The following GIGYF2 variants were observed in gnomAD, a reference collection of about 807,000 sequenced individuals.
GIGYF2 encodes GRB10 interacting GYF protein 2.
Under a neutral mutation model 208.1 loss-of-function variants are expected in GIGYF2, and 25 were observed. That is an observed-to-expected ratio of 0.12 (90% CI 0.09 to 0.17). The LOEUF (loss-of-function observed/expected upper bound fraction) is 0.17. Among genes scored for constraint, GIGYF2 ranks in the 10% least tolerant of loss-of-function variants. The pLI, the probability that GIGYF2 is intolerant of heterozygous loss-of-function variation, is 1.00. For synonymous variants in GIGYF2, 534 were observed against 543.8 expected (o/e 0.98, Z 0.25); for missense variants, 1,302 against 1,579.4 (o/e 0.82, Z 2.98).
intron 2 of GIGYF2, chr2:232,705,485 C>T (rs1250614111): frequency 6.6e-6 from 1 of 151,890 alleles, no homozygotes; most frequent in Non-Finnish European, 1.5e-5. Context: ...CTCGGCTCAC[C>T]ACATCCTCTG....
chr2:232,756,781 A>T (rs190235445), intron 6 of GIGYF2, among the ~76,000 whole-genome samples: 77 of 152,350 alleles, frequency 5.1e-4, no homozygotes, highest in African/African-American at 1.7e-3. Context: ...CAGGACTAGG[A>T]CATTTAGGGG....
intron 21 of GIGYF2, among the ~76,000 whole-genome samples, chr2:232,821,515 CT>C (rs1701080389): frequency 6.6e-6 from 1 of 152,088 alleles, no homozygotes; most frequent in South Asian, 2.1e-4. Flanking sequence ...TCCAATTTAT[CT>C]ATTTTTTTTC....
intron 14 of GIGYF2, among the ~76,000 whole-genome samples, 187 bp downstream of exon 14, chr2:232,796,408 A>G (rs1490450413): frequency 1.3e-5 from 2 of 152,210 alleles, no homozygotes; most frequent in African/African-American, 4.8e-5. Context: ...ATTTTGGAAT[A>G]ATTGCATTGT....
rs1439108681 is a variant in GIGYF2, at chr2:232,791,321, A to G, written c.1157A>G (p.His386Arg). ...SSARPGTPSD[H>R]QSQEASQFER... Reference sequence around the variant, plus strand: ...GCTAGACCAGGTACTCCTTCAGACCATCAGTCTCAGGAAGCATCACAGTTT... The same window carrying G: ...GCTAGACCAGGTACTCCTTCAGACCGTCAGTCTCAGGAAGCATCACAGTTT... Residue 386 changes from histidine to arginine, a missense_variant, in exon 12 of 29, where the codon CAT (histidine) becomes CGT (arginine). By Grantham distance (29) the His-to-Arg change is conservative. Around this residue, in one of 8 missense-constraint regions of GIGYF2, gnomAD observed 235 missense variants for 218.8 expected, o/e 1.07. Coordinates refer to ENST00000373563, the MANE Select transcript of GIGYF2 (RefSeq NM_001103146.3). The G allele has an allele frequency of 2.5e-6, 4 of 1,614,088 alleles. No homozygotes were observed. The highest frequency in any genetic ancestry group is 1.7e-5 in the Admixed American group (1 of 60,016).
intron 3 of GIGYF2, chr2:232,735,684 G>A (rs1697703162): frequency 1.0e-6 from 1 of 990,678 alleles, no homozygotes; most frequent in Non-Finnish European, 1.2e-6. Flanking sequence ...GTATTATACT[G>A]GCTGTTAACA....
At position 232,812,403 on chromosome 2, in the gene GIGYF2, G is replaced by T; in HGVS notation, c.2019G>T (p.Gln673His). 1 of 1,419,594 alleles carries T rather than the reference G, an allele frequency of 7.0e-7. No homozygotes were observed. Among genetic ancestry groups the T allele is most frequent in the Non-Finnish European group, 1.0e-6 (1 of 1,003,856 alleles). The allele number at this position is 1,419,594 out of a possible 1,614,324, so 87.9% of individuals were successfully genotyped here. The change falls in exon 18 of 29, where the codon CAG (glutamine) becomes CAT (histidine). Residue 673 changes from glutamine to histidine, a missense_variant. By Grantham distance (24) the Gln-to-His change is conservative. Transcript: ENST00000373563. ...TTCCCTTTTGCAGAATATCTGATCA[G>T]AACATCATTCCCTCAGTAACTAGGT... The part of the protein sequence containing the change: ...FQTLKMRISD[Q>H]NIIPSVTRSV...
At chr2:232,745,998 C>G (rs1698135992) in intron 3 of GIGYF2, among the ~76,000 whole-genome samples, 1 of 152,094 alleles carries the variant, frequency 6.6e-6, no homozygotes, top group Non-Finnish European at 1.5e-5. Context: ...TGGCTCATGC[C>G]TGTAATCTCA....
At chr2:232,774,706 T>A (rs1699438854) in intron 8 of GIGYF2, among the ~76,000 whole-genome samples, 1 of 152,214 alleles carries the variant, frequency 6.6e-6, no homozygotes, top group Non-Finnish European at 1.5e-5. Flanking sequence ...CTCATGCTCC[T>A]GGACACTAGT....
rs756760638 is a variant in GIGYF2, at chr2:232,815,692, T to C, written c.2163T>C (p.Pro721=). Reference sequence around the variant, plus strand: ...CTCTGGACACCACGACACCAGGCCCTGCCCTGGAACAGCTTCAGCAGCTAG... The same window carrying C: ...CTCTGGACACCACGACACCAGGCCCCGCCCTGGAACAGCTTCAGCAGCTAG... ...DLPLDTTTPG[P]ALEQLQQLEK... is the part of the protein sequence containing the mutation. Residue 721 remains proline (P), a synonymous_variant, in exon 19 of 29, where the codon CCT becomes CCC. Transcript: ENST00000373563. The C allele has an allele frequency of 6.2e-7, 1 of 1,608,800 alleles. No homozygotes were observed. Among genetic ancestry groups the C allele is most frequent in the South Asian group, 1.1e-5 (1 of 90,976 alleles).
chr2:232,797,526 T>TGTGTGTGTGTGTG (rs1553614943), intron 14 of GIGYF2, among the ~76,000 whole-genome samples: 1 of 150,644 alleles, frequency 6.6e-6, no homozygotes, highest in African/African-American at 2.4e-5. Flanking sequence ...TGTGTGTGTG[T>TGTGTGTGTGTGTG]TTTAACCAAA....
At chr2:232,809,653 C>G (rs996531857) in intron 15 of GIGYF2, 67 bp from the exon 16 acceptor site, 2 of 874,178 alleles carry the variant, frequency 2.3e-6, no homozygotes, top group African/African-American at 1.6e-5. Flanking sequence ...GATACCTGTA[C>G]TAAGTGGCTT....
chr2:232,795,965 C>G, intron 13 of GIGYF2, 97 bp from the exon 14 acceptor site: 2 of 844,306 alleles, frequency 2.4e-6, no homozygotes, highest in South Asian at 1.4e-5. Context: ...TTTCATAGAT[C>G]AAGTAGTCCA....
intron 23 of GIGYF2, among the ~76,000 whole-genome samples, chr2:232,842,797 T>G (rs922411180): frequency 3.9e-5 from 6 of 152,184 alleles, no homozygotes; most frequent in African/African-American, 1.4e-4. Flanking sequence ...GCTGGTTGGC[T>G]TCCCCACAGG....
intron 8 of GIGYF2, among the ~76,000 whole-genome samples, chr2:232,777,126 A>T (rs1288174379): frequency 6.6e-6 from 1 of 150,708 alleles, no homozygotes. Context: ...TTTTTTTTTT[A>T]AAGGCTGTAT....
intron 20 of GIGYF2, among the ~76,000 whole-genome samples, chr2:232,818,456 G>T (rs1252935153): frequency 6.6e-6 from 1 of 152,120 alleles, no homozygotes; most frequent in Non-Finnish European, 1.5e-5. Flanking sequence ...TTTGTATGTG[G>T]TGTGAGATGA....
chr2:232,702,456 CTCTA>C lies in GIGYF2; in HGVS notation c.-109-964_-109-961del, dbSNP rs1050481191. On this transcript the variant is annotated intron_variant, in intron 1 of 28. Coordinates refer to ENST00000373563, the MANE Select transcript of GIGYF2 (RefSeq NM_001103146.3). ...TCTGTCTCCAAAAAAAGAAAAAAAA[CTCTA>C]TCTGTCTCTATCTAGTTGCTTTCCT... is the stretch of plus-strand genomic sequence containing the variant. Among the ~76,000 whole-genome samples the C allele has an allele frequency of 1.5e-3, 230 of 151,758 alleles. 1 individual carries two copies. The highest frequency in any genetic ancestry group is 5.0e-3 in the African/African-American group (208 of 41,400).
At chr2:232,788,434 A>G in intron 9 of GIGYF2, 1 of 337,612 alleles carries the variant, frequency 3.0e-6, no homozygotes. Flanking sequence ...CCTGGGCCAG[A>G]TGTTATAGTT....
chr2:232,770,309 G>A (rs530361823), intron 8 of GIGYF2, among the ~76,000 whole-genome samples: 3 of 152,320 alleles, frequency 2.0e-5, no homozygotes, highest in African/African-American at 7.2e-5. Context: ...AGAGTTTTCT[G>A]TGTTCATGAG....
At chr2:232,847,321 C>G (rs1702039051) in intron 26 of GIGYF2, 27 bp from the exon 27 acceptor site, 2 of 1,606,564 alleles carry the variant, frequency 1.2e-6, no homozygotes, top group East Asian at 2.2e-5. Context: ...CATTGTTACC[C>G]TTATCTTCTC....
Sources: allele counts gnomAD v4.1 joint callset (sites outside exome capture counted in the v4.1 genomes callset), GRCh38; gene constraint gnomAD v4.1.1; regional missense constraint gnomAD v4.1.1; transcripts MANE v1.5; gene names NCBI Gene and HGNC (gene_info 2026-07-23, HGNC 2026-07-21).